The following PPP1R14C variants were observed in gnomAD, a reference collection of about 807,000 sequenced individuals.
The protein encoded by PPP1R14C is protein phosphatase 1 regulatory subunit 14C.
In PPP1R14C, 16 loss-of-function variants were observed where a neutral mutation model predicts 20.4. The observed-to-expected ratio is 0.78, with a 90% confidence interval of 0.53 to 1.19. The LOEUF (loss-of-function observed/expected upper bound fraction) is 1.19. Ranked by LOEUF, PPP1R14C falls within the 50% of genes most tolerant of loss-of-function variation. The pLI, the probability that PPP1R14C is intolerant of heterozygous loss-of-function variation, is 0.00. For synonymous variants in PPP1R14C, 91 were observed against 91.0 expected (o/e 1.00, Z 0.00); for missense variants, 211 against 220.1 (o/e 0.96, Z 0.26).
chr6:150,182,463 G>A (rs926175436), intron 1 of PPP1R14C, among the ~76,000 whole-genome samples: 2 of 152,212 alleles, frequency 1.3e-5, no homozygotes, highest in African/African-American at 4.8e-5. Flanking sequence ...TCCTCACATG[G>A]AAAGATAGAG....
intron 1 of PPP1R14C, among the ~76,000 whole-genome samples, chr6:150,190,798 C>T (rs541797606): frequency 6.6e-6 from 1 of 152,256 alleles, no homozygotes; most frequent in African/African-American, 2.4e-5. Flanking sequence ...AGAGTCTGTC[C>T]TTCTCTACCT....
chr6:150,145,265 G>A (rs994502011), intron 1 of PPP1R14C, among the ~76,000 whole-genome samples: 2 of 152,204 alleles, frequency 1.3e-5, no homozygotes, highest in African/African-American at 4.8e-5. Flanking sequence ...ACATGAGCTT[G>A]AATCTTTTCC....
chr6:150,181,791 T>A (rs78735878), intron 1 of PPP1R14C, among the ~76,000 whole-genome samples: 6,428 of 152,346 alleles, frequency 0.042, 269 homozygotes, highest in African/African-American at 0.098. Context: ...TTTGTGTATA[T>A]GTGTTAAGAT....
chr6:150,243,996 A>G (rs1022733868), intron 3 of PPP1R14C, among the ~76,000 whole-genome samples: 3 of 152,148 alleles, frequency 2.0e-5, no homozygotes, highest in Admixed American at 1.3e-4. Context: ...AAACAGGTCA[A>G]TTTTTTCCTG....
At chr6:150,183,031 A>G (rs981822295) in intron 1 of PPP1R14C, among the ~76,000 whole-genome samples, 12 of 152,248 alleles carry the variant, frequency 7.9e-5, no homozygotes, top group African/African-American at 2.9e-4. Context: ...TTATGGGACC[A>G]CTGCTGTATA....
At chr6:150,218,857 G>T (rs1292547713) in intron 3 of PPP1R14C, among the ~76,000 whole-genome samples, 1 of 152,040 alleles carries the variant, frequency 6.6e-6, no homozygotes, top group Non-Finnish European at 1.5e-5. Flanking sequence ...TCACTATGTT[G>T]CCCAGACTTG....
intron 1 of PPP1R14C, among the ~76,000 whole-genome samples, chr6:150,173,474 TA>T (rs888993542): frequency 3.3e-5 from 5 of 152,248 alleles, no homozygotes; most frequent in African/African-American, 9.6e-5. Context: ...GAGGCCACTG[TA>T]AAAATGACTC....
At chr6:150,247,659 G>A in intron 3 of PPP1R14C, among the ~76,000 whole-genome samples, 1 of 152,132 alleles carries the variant, frequency 6.6e-6, no homozygotes, top group East Asian at 1.9e-4. Flanking sequence ...CATAAAGTGT[G>A]TTTTTGTTTT....
At position 150,154,390 on chromosome 6, in the gene PPP1R14C, G is replaced by A. The variant is rs115671355; in HGVS notation, c.306+10892G>A. ...GGAATGGCCCTTGCCTGTGAGCTCC[G>A]TCCTAGTCGGGCCACCGCTGACCAG... On this transcript the variant is annotated intron_variant, in intron 1 of 3. Coordinates refer to ENST00000361131, the MANE Select transcript of PPP1R14C (RefSeq NM_030949.3). Among the ~76,000 whole-genome samples, 529 of 152,246 alleles carry A rather than the reference G, an allele frequency of 3.5e-3. 4 individuals carry two copies. Among genetic ancestry groups the A allele is most frequent in the African/African-American group, 0.012 (504 of 41,534 alleles).
chr6:150,169,803 A>G (rs1242426560), intron 1 of PPP1R14C, among the ~76,000 whole-genome samples: 2 of 152,156 alleles, frequency 1.3e-5, no homozygotes, highest in Admixed American at 1.3e-4. Flanking sequence ...TGCAAATCTG[A>G]TTTGTGCATC....
intron 2 of PPP1R14C, among the ~76,000 whole-genome samples, chr6:150,215,505 A>T (rs555953078): frequency 5.3e-5 from 8 of 152,282 alleles, no homozygotes; most frequent in African/African-American, 1.7e-4. Flanking sequence ...ACTGTTAATG[A>T]CTGTTGGTGA....
chr6:150,210,617 G>A (rs982630540), intron 1 of PPP1R14C, among the ~76,000 whole-genome samples: 1 of 152,164 alleles, frequency 6.6e-6, no homozygotes, highest in Non-Finnish European at 1.5e-5. Context: ...GCAGCCTATG[G>A]GCCAATGGGT....
intron 1 of PPP1R14C, among the ~76,000 whole-genome samples, chr6:150,191,729 G>A (rs1483151308): frequency 3.3e-5 from 5 of 152,188 alleles, no homozygotes; most frequent in Admixed American, 3.3e-4. Context: ...GGTAGTGGAT[G>A]TTTGCTATTC....
chr6:150,143,062 GGC>G lies in PPP1R14C; in HGVS notation c.-123_-122del. The G allele has an allele frequency of 9.3e-7, 1 of 1,079,542 alleles. No individual in the cohort carries two copies. Among genetic ancestry groups the G allele is most frequent in the East Asian group, 7.9e-5 (1 of 12,594 alleles). 66.9% of individuals were successfully genotyped at this position (1,079,542 alleles called of 1,614,324 possible). On this transcript the variant is annotated 5_prime_UTR_variant, in exon 1 of 4. Coordinates refer to ENST00000361131, the MANE Select transcript of PPP1R14C (RefSeq NM_030949.3). This position sits in a 1 kb window ranked among gnomAD's most constrained non-coding sequence, Gnocchi z 5.6. ...CCCTCCCAGAGCAGCCGGGCGGCTGGGCGCGCGCGGCGCAGAGCAGGTGCCGG... is the reference window on the plus strand; with the variant it reads ...CCCTCCCAGAGCAGCCGGGCGGCTGGGCGCGCGGCGCAGAGCAGGTGCCGG...
At chr6:150,223,851 T>C (rs186393314) in intron 3 of PPP1R14C, among the ~76,000 whole-genome samples, 277 of 152,344 alleles carry the variant, frequency 1.8e-3, no homozygotes, top group African/African-American at 6.2e-3. Context: ...ATTTTTGTTT[T>C]AGTGAAATCC....
rs1457978009 is a variant in PPP1R14C at position 150,143,749 on chromosome 6, A to AGGGTT, written c.306+256_306+260dup. On this transcript the variant is annotated intron_variant, in intron 1 of 3. Coordinates refer to ENST00000361131, the MANE Select transcript of PPP1R14C (RefSeq NM_030949.3). This position sits in a 1 kb window ranked among gnomAD's most constrained non-coding sequence, Gnocchi z 5.6. ...GCGGGCCCCCTTGGTGGCCGTGGGG[A>AGGGTT]GGGTTGGGTCCCGCGGAGCACAGTG... 2.0e-5 allele frequency among the ~76,000 whole-genome samples: 3 copies of AGGGTT among 151,246 alleles called. No individual in the cohort carries two copies. The highest frequency in any genetic ancestry group is 4.4e-5 in the Non-Finnish European group (3 of 67,816).
intron 1 of PPP1R14C, among the ~76,000 whole-genome samples, chr6:150,149,208 A>G (rs1324602843): frequency 6.6e-6 from 1 of 152,184 alleles, no homozygotes; most frequent in Non-Finnish European, 1.5e-5. Context: ...AAGTGCGATG[A>G]ACCTGAATTC....
At position 150,166,017 on chromosome 6, in the gene PPP1R14C, A is replaced by G. The variant is rs1777417948; in HGVS notation, c.306+22519A>G. Among the ~76,000 whole-genome samples the G allele has an allele frequency of 1.3e-5, 2 of 151,772 alleles. 1 individual carries two copies. Among genetic ancestry groups the G allele is most frequent in the South Asian group, 4.2e-4 (2 of 4,788 alleles). On this transcript the variant is annotated intron_variant, in intron 1 of 3. Coordinates refer to ENST00000361131, the MANE Select transcript of PPP1R14C (RefSeq NM_030949.3). ...AGTCAGTGCCAGTACACCAGATCGC[A>G]TTGTGAGTGGGCCACGTGCCATATA...
intron 1 of PPP1R14C, among the ~76,000 whole-genome samples, chr6:150,173,789 A>T (rs1777525823): frequency 6.6e-6 from 1 of 152,158 alleles, no homozygotes. Flanking sequence ...CTCAGCCAGG[A>T]CATGGGAGCC....
Sources: allele counts gnomAD v4.1 joint callset (sites outside exome capture counted in the v4.1 genomes callset), GRCh38; gene constraint gnomAD v4.1.1; non-coding constraint Gnocchi (gnomAD v3.1); transcripts MANE v1.5; gene names NCBI Gene and HGNC (gene_info 2026-07-23, HGNC 2026-07-21).